The following PDE1C variants were observed in gnomAD, a reference collection of about 807,000 sequenced individuals.
The protein encoded by PDE1C is dual specificity calcium/calmodulin-dependent 3',5'-cyclic nucleotide phosphodiesterase 1C.
A neutral mutation model predicts 93.1 loss-of-function variants in PDE1C; 62 were observed. The ratio of observed to expected loss-of-function variants is 0.67; its 90% CI spans 0.54 to 0.82. The LOEUF (loss-of-function observed/expected upper bound fraction) is 0.82, where lower values mean the gene tolerates loss of function less well. Among genes scored for constraint, PDE1C ranks in the 40% least tolerant of loss-of-function variants. The pLI, the probability that PDE1C is intolerant of heterozygous loss-of-function variation, is 0.00. For synonymous variants in PDE1C, 325 were observed against 310.1 expected (o/e 1.05, Z -0.50); for missense variants, 742 against 884.6 (o/e 0.84, Z 2.04).
At chr7:31,761,183 C>T (rs1315793823) in intron 17 of PDE1C, among the ~76,000 whole-genome samples, 1 of 85,086 alleles carries the variant, frequency 1.2e-5, no homozygotes, top group African/African-American at 4.6e-5. Flanking sequence ...TCTGAATTCA[C>T]ACCCTTCCTC....
At chr7:31,691,180 G>A in the PDE1C span, among the ~76,000 whole-genome samples, 1 of 152,182 alleles carries the variant, frequency 6.6e-6, no homozygotes, top group Non-Finnish European at 1.5e-5. Flanking sequence ...CTGTGCTCAA[G>A]TGATCAGTTA....
At chr7:31,955,655 T>C (rs17160730) in intron 2 of PDE1C, among the ~76,000 whole-genome samples, 8,730 of 152,202 alleles carry the variant, frequency 0.057, 390 homozygotes, top group African/African-American at 0.13. Context: ...ATTTAACTCA[T>C]GGAAGTACCT....
intron 3 of PDE1C, among the ~76,000 whole-genome samples, chr7:32,114,499 C>T (rs1367754962): frequency 6.6e-6 from 1 of 152,014 alleles, no homozygotes; most frequent in Non-Finnish European, 1.5e-5. Flanking sequence ...ATGTAAAGCC[C>T]AAAGCCATAA....
At chr7:32,379,882 C>T (rs1784501118) in intron 1 of PDE1C, among the ~76,000 whole-genome samples, 1 of 152,190 alleles carries the variant, frequency 6.6e-6, no homozygotes, top group Admixed American at 6.5e-5. Context: ...GCTTCTTTCC[C>T]TGGGAAACAT....
At chr7:32,340,599 T>G (rs1259238971) in intron 1 of PDE1C, among the ~76,000 whole-genome samples, 1 of 152,234 alleles carries the variant, frequency 6.6e-6, no homozygotes, top group Non-Finnish European at 1.5e-5. Context: ...TATTTGTGTT[T>G]TTAAAAAATG....
At position 32,289,053 on chromosome 7, in the gene PDE1C, T is replaced by C. The variant is rs189508554; in HGVS notation, c.85+9598A>G. On this transcript the variant is annotated intron_variant, in intron 1 of 18. Coordinates refer to the PDE1C transcript ENST00000396193. The stretch of plus-strand genomic sequence containing the variant: ...AGAACTTTACATATGTCACATCATA[T>C]GTAGATATTATTATTCCTACTTTAC... Among the ~76,000 whole-genome samples, 54 of 152,352 alleles carry C rather than the reference T, an allele frequency of 3.5e-4. 1 individual carries two copies. In the East Asian group the frequency reaches 9.8e-3, roughly 28 times the overall value.
rs1160301547 is a variant in PDE1C at position 32,124,416 on chromosome 7, A to T, written c.308+45369T>A. Among the ~76,000 whole-genome samples the T allele has an allele frequency of 3.3e-5, 5 of 152,336 alleles. No homozygotes were observed. The South Asian group carries it at 1.0e-3, about 32-fold the overall frequency. On this transcript the variant is annotated intron_variant, in intron 3 of 18. Coordinates refer to the PDE1C transcript ENST00000396193. ...GCCAAGACAATCCTAAGGAAAAAGA[A>T]AAAAGCTGGATGCATCATGCTACCT...
intron 12 of PDE1C, among the ~76,000 whole-genome samples, chr7:31,826,715 T>C (rs1789712932): frequency 6.6e-6 from 1 of 152,196 alleles, no homozygotes; most frequent in Non-Finnish European, 1.5e-5. Flanking sequence ...CATCTCTTCT[T>C]TGTAATCCTG....
At chr7:32,205,365 G>C (rs4723130) in intron 2 of PDE1C, among the ~76,000 whole-genome samples, 2 of 152,024 alleles carry the variant, frequency 1.3e-5, no homozygotes. Context: ...TTCTGGGTTG[G>C]GTGAGGACTT....
intron 9 of PDE1C, among the ~76,000 whole-genome samples, chr7:31,840,500 G>C (rs1791719454): frequency 6.6e-6 from 1 of 151,856 alleles, no homozygotes; most frequent in African/African-American, 2.4e-5. Context: ...AATGCTTCAT[G>C]CTTTTTCTCT....
At chr7:32,185,282 A>G (rs994778603) in intron 2 of PDE1C, among the ~76,000 whole-genome samples, 3 of 151,278 alleles carry the variant, frequency 2.0e-5, no homozygotes, top group Middle Eastern at 3.4e-3. Context: ...TTAATAGTAA[A>G]GCCAACTTGC....
chr7:31,722,377 A>C, the PDE1C span, among the ~76,000 whole-genome samples: 2 of 152,228 alleles, frequency 1.3e-5, no homozygotes, highest in Non-Finnish European at 2.9e-5. Context: ...TTTATTCAAC[A>C]AATACTTATT....
intron 1 of PDE1C, among the ~76,000 whole-genome samples, chr7:32,370,157 A>G (rs2128087401): frequency 6.6e-6 from 1 of 152,286 alleles, no homozygotes; most frequent in Middle Eastern, 3.4e-3. Context: ...GCCATAAAAA[A>G]CGATGAGTTC....
intron 3 of PDE1C, among the ~76,000 whole-genome samples, chr7:32,089,933 C>T (rs1388338483): frequency 6.6e-6 from 1 of 152,206 alleles, no homozygotes; most frequent in Non-Finnish European, 1.5e-5. Context: ...AAAAATGTTA[C>T]TTGCCTGCTT....
intron 1 of PDE1C, among the ~76,000 whole-genome samples, chr7:32,062,401 C>T (rs1440264104): frequency 6.6e-6 from 1 of 152,214 alleles, no homozygotes; most frequent in African/African-American, 2.4e-5. Flanking sequence ...TCCTTCCAGT[C>T]TGCGCTGCAG....
intron 7 of PDE1C, among the ~76,000 whole-genome samples, chr7:31,859,778 A>G (rs976519487): frequency 1.3e-5 from 2 of 152,082 alleles, no homozygotes; most frequent in Admixed American, 1.3e-4. Context: ...CACTATCTTC[A>G]ATTTACTGTT....
chr7:31,917,694 C>A (rs934857804), intron 2 of PDE1C, among the ~76,000 whole-genome samples: 3 of 152,156 alleles, frequency 2.0e-5, no homozygotes, highest in Non-Finnish European at 4.4e-5. Flanking sequence ...TTACATTAAA[C>A]TGCATTAAGA....
chr7:31,633,783 A>G, the PDE1C span, among the ~76,000 whole-genome samples: 1 of 152,214 alleles, frequency 6.6e-6, no homozygotes, highest in Non-Finnish European at 1.5e-5. Context: ...AAAATAGTTA[A>G]AGTAGAATTG....
intron 1 of PDE1C, among the ~76,000 whole-genome samples, chr7:32,374,752 A>G (rs1437164088): frequency 6.6e-6 from 1 of 152,264 alleles, no homozygotes; most frequent in Non-Finnish European, 1.5e-5. Flanking sequence ...CTATGCAGCA[A>G]TAGTCCAGAA....
Sources: allele counts gnomAD v4.1 joint callset (sites outside exome capture counted in the v4.1 genomes callset), GRCh38; gene constraint gnomAD v4.1.1; transcripts MANE v1.5; gene names NCBI Gene and HGNC (gene_info 2026-07-23, HGNC 2026-07-21).